BOD1L1: variants seen among roughly 807,000 people sequenced by gnomAD.
BOD1L1 encodes biorientation of chromosomes in cell division protein 1-like 1.
Under a neutral mutation model 240.7 loss-of-function variants are expected in BOD1L1, and 86 were observed. That is an observed-to-expected ratio of 0.36 (90% CI 0.30 to 0.43). BOD1L1 has a LOEUF of 0.43. Ranked by LOEUF, BOD1L1 falls within the 20% of genes least tolerant of loss-of-function variation. The probability of loss-of-function intolerance (pLI) is 1.00; values close to 1 mark genes in which losing one functional copy is unlikely to be tolerated. For synonymous variants in BOD1L1, 1,268 were observed against 1,272.3 expected, an observed-to-expected ratio of 1.00 and a Z score of 0.07; for missense variants, 3,554 against 3,643.5, an observed-to-expected ratio of 0.98 and a Z score of 0.63.
rs530503918 is a variant in BOD1L1 at position 13,604,407 on chromosome 4, C to T, written c.2493G>A (p.Leu831=). The change falls in exon 10 of 26, where the codon TTG becomes TTA. Residue 831 remains leucine (L), a synonymous_variant. Coordinates refer to ENST00000040738, the MANE Select transcript of BOD1L1 (RefSeq NM_148894.3). ...RKENNKKERR[L]SAEKTKAEHK... ...GCTCTGCCTTAGTTTTTTCAGCTGA[C>T]AAGCGTCTCTCTTTTTTGTTGTTTT... The T allele has an allele frequency of 1.3e-6, 2 of 1,575,758 alleles. No individual in the cohort carries two copies. The highest frequency in any genetic ancestry group is 1.2e-5 in the South Asian group (1 of 82,836).
Position 13,605,050 on chromosome 4 carries a change from T to A in BOD1L1, c.1850A>T (p.Glu617Val). 6.4e-7 allele frequency: 1 copy of A among 1,564,640 alleles called. No homozygotes were observed. The highest frequency in any genetic ancestry group is 1.7e-4 in the Middle Eastern group (1 of 5,826). The change falls in exon 10 of 26, where the codon GAG (glutamate) becomes GTG (valine). Residue 617 changes from glutamate to valine, a missense_variant. Physicochemically the swap from Glu to Val is moderately radical, Grantham distance 121. Coordinates refer to ENST00000040738, the MANE Select transcript of BOD1L1 (RefSeq NM_148894.3). ...ACTTTTTGCATGAACATGCTTCAGCTCCTTTGAAGAAGAAATTTTTTCCTT... is the reference window on the plus strand; with the variant it reads ...ACTTTTTGCATGAACATGCTTCAGCACCTTTGAAGAAGAAATTTTTTCCTT... ...CEKEKISSSKELKHVHAKSEP... is the reference protein window; with the variant it reads ...CEKEKISSSKVLKHVHAKSEP...
rs921201712 is a variant in BOD1L1, at chr4:13,602,615, T to C, written c.4285A>G (p.Thr1429Ala). The C allele has an allele frequency of 1.9e-6, 3 of 1,613,946 alleles. No homozygotes were observed. The highest frequency in any genetic ancestry group is 2.7e-5 in the African/African-American group (2 of 74,954). ...CCATCCTTCTTGCCATTCTCTACTG[T>C]TGCTTTAATTGTCTGCTTTAAATTG... ...EPNLKQTIKATVENGKKDGIA... is the reference protein window; with the variant it reads ...EPNLKQTIKAAVENGKKDGIA... The change falls in exon 10 of 26, where the codon ACA (threonine) becomes GCA (alanine). Residue 1429 changes from threonine (T) to alanine (A), a missense_variant. Physicochemically the swap from Thr to Ala is moderately conservative, Grantham distance 58. This residue lies in a region of BOD1L1 where 3,393 missense variants were observed against 3,427.1 expected (regional missense o/e 0.99). Coordinates refer to ENST00000040738, the MANE Select transcript of BOD1L1 (RefSeq NM_148894.3).
chr4:13,614,658 G>A lies in BOD1L1; in HGVS notation c.712C>T (p.Pro238Ser), dbSNP rs769094568. The A allele has an allele frequency of 5.0e-6, 8 of 1,613,738 alleles. No individual in the cohort carries two copies. In the East Asian group the frequency reaches 1.8e-4, roughly 36 times the overall value. Residue 238 changes from proline to serine, a missense_variant, in exon 4 of 26, where the codon CCA becomes TCA. By Grantham distance (74) the Pro-to-Ser change is moderately conservative (BLOSUM62 -1). This residue lies in a region of BOD1L1 where 3,393 missense variants were observed against 3,427.1 expected (regional missense o/e 0.99). Coordinates refer to ENST00000040738, the MANE Select transcript of BOD1L1 (RefSeq NM_148894.3). ...KTSERASKKL[P>S]SQPTTDTSTD... is the part of the protein sequence containing the mutation. The stretch of plus-strand genomic sequence containing the variant: ...CTAGTATCAGTGGTTGGCTGAGATG[G>A]AAGTTTTTTTGACGCTCTCTCACTG...
Position 13,615,516 on chromosome 4 carries a change from T to C in BOD1L1, c.369-14A>G, listed in dbSNP as rs1716517783. ...AACATTCCTGATCTGAAACACAAGA[T>C]AATTTATGGAAAGGTGAAAAAATAA... On this transcript the variant is annotated splice_polypyrimidine_tract_variant and intron_variant, in intron 2 of 25. Transcript: ENST00000040738. 1.3e-6 allele frequency: 2 copies of C among 1,574,658 alleles called. No individual in the cohort carries two copies. The highest frequency in any genetic ancestry group is 1.7e-6 in the Non-Finnish European group (2 of 1,158,780).
rs759579189 is a variant in BOD1L1, at chr4:13,603,371, T to C, written c.3529A>G (p.Thr1177Ala). Residue 1177 changes from threonine to alanine, a missense_variant, in exon 10 of 26, where the codon ACA becomes GCA. Thr to Ala is a moderately conservative substitution (Grantham distance 58). This residue lies in a region of BOD1L1 where 3,393 missense variants were observed against 3,427.1 expected (regional missense o/e 0.99). Transcript: ENST00000040738. ...LRTCTADSKA[T>A]APAYKPGRGT... ...CGGCCTGGCTTATAAGCTGGAGCTGTTGCTTTTGAATCTGCTGTGCAAGTT... is the reference window on the plus strand; with the variant it reads ...CGGCCTGGCTTATAAGCTGGAGCTGCTGCTTTTGAATCTGCTGTGCAAGTT... The C allele has an allele frequency of 4.3e-6, 7 of 1,614,030 alleles. No individual in the cohort carries two copies. The highest frequency in any genetic ancestry group is 1.7e-5 in the Admixed American group (1 of 60,030).
At chr4:13,618,076 A>G (rs1716752446) in intron 2 of BOD1L1, among the ~76,000 whole-genome samples, 1 of 152,222 alleles carries the variant, frequency 6.6e-6, no homozygotes, top group African/African-American at 2.4e-5. Context: ...TTGTGATCAC[A>G]ATATCTTACT....
intron 22 of BOD1L1, among the ~76,000 whole-genome samples, chr4:13,579,378 G>A (rs1261288932): frequency 2.6e-5 from 4 of 152,064 alleles, no homozygotes; most frequent in African/African-American, 7.2e-5. Context: ...AATGAAGTAC[G>A]ATCACACATA....
intron 10 of BOD1L1, among the ~76,000 whole-genome samples, chr4:13,598,363 C>T (rs1263305696): frequency 1.3e-5 from 2 of 152,174 alleles, no homozygotes; most frequent in African/African-American, 4.8e-5. Context: ...CAAACAAATA[C>T]TGCAAACCTA....
In BOD1L1 at chr4:13,602,275, G is replaced by A. The variant is rs772790822; in HGVS notation, c.4625C>T (p.Ser1542Phe). ...PVKAGPATTT[S>F]SETRQSEVAL... Reference sequence around the variant, plus strand: ...CACCTCACTTTGTCTTGTTTCTGAAGAAGTGGTTGTGGCAGGCCCAGCCTT... The same window carrying A: ...CACCTCACTTTGTCTTGTTTCTGAAAAAGTGGTTGTGGCAGGCCCAGCCTT... Residue 1542 changes from serine to phenylalanine, a missense_variant, in exon 10 of 26, where the codon TCT becomes TTT. Ser to Phe is a radical substitution (Grantham distance 155). Coordinates refer to ENST00000040738, the MANE Select transcript of BOD1L1 (RefSeq NM_148894.3). 1.2e-6 allele frequency: 2 copies of A among 1,614,002 alleles called. No individual in the cohort carries two copies. The highest frequency in any genetic ancestry group is 2.2e-5 in the South Asian group (2 of 91,078).
In BOD1L1 at chr4:13,599,845, A is replaced by T. The variant is rs143101535; in HGVS notation, c.7055T>A (p.Leu2352Gln). Residue 2352 changes from leucine to glutamine, a missense_variant, in exon 10 of 26, where the codon CTG becomes CAG. Leu to Gln is a moderately radical substitution (Grantham distance 113). Coordinates refer to ENST00000040738, the MANE Select transcript of BOD1L1 (RefSeq NM_148894.3). ...ASIDRHEENQ[L>Q]TADNPEGNGD... ...GTTCCCTTCTGGGTTGTCTGCAGTC[A>T]GCTGATTCTCTTCATGTCTGTCAAT... is the stretch of plus-strand genomic sequence containing the variant. 2.5e-6 allele frequency: 4 copies of T among 1,613,876 alleles called. No homozygotes were observed. Among genetic ancestry groups the T allele is most frequent in the Admixed American group, 3.3e-5 (2 of 59,994 alleles).
chr4:13,588,759 G>C lies in BOD1L1; in HGVS notation c.8243C>G (p.Ala2748Gly), dbSNP rs1461146679. The change falls in exon 15 of 26, where the codon GCC becomes GGC. Residue 2748 changes from alanine to glycine, a missense_variant. By Grantham distance (60) the Ala-to-Gly change is moderately conservative (BLOSUM62 0). Around this residue, in one of 2 missense-constraint regions of BOD1L1, gnomAD observed 3,393 missense variants for 3,427.1 expected, o/e 0.99. Transcript: ENST00000040738. ...TGCTTCAACACTGTGACCGCTTATGGCTTCTGCGTTGTCTTTTCTACCACT... is the reference window on the plus strand; with the variant it reads ...TGCTTCAACACTGTGACCGCTTATGCCTTCTGCGTTGTCTTTTCTACCACT... ...ISSGRKDNAE[A>G]ISGHSVEADP... 4 of 1,604,026 alleles carry C rather than the reference G, an allele frequency of 2.5e-6. No individual in the cohort carries two copies. The African/African-American group carries it at 5.4e-5, about 22-fold the overall frequency.
chr4:13,592,086 C>T (rs915973714), intron 12 of BOD1L1, 120 bp from the exon 13 acceptor site: 2 of 644,108 alleles, frequency 3.1e-6, no homozygotes, highest in Non-Finnish European at 5.3e-6. Context: ...GGCTTAGCTG[C>T]TTTCATAAAT....
At chr4:13,619,864 T>C (rs1031710144) in intron 2 of BOD1L1, 79 bp downstream of exon 2, 24 of 1,483,210 alleles carry the variant, frequency 1.6e-5, no homozygotes, top group Non-Finnish European at 1.8e-5. Flanking sequence ...TGAACAAATA[T>C]GTATGTAATG....
At chr4:13,595,752 T>A (rs1264777438) in intron 12 of BOD1L1, 108 bp downstream of exon 12, 5 of 751,748 alleles carry the variant, frequency 6.7e-6, no homozygotes, top group Admixed American at 5.2e-5. Flanking sequence ...AGAGGCAAGT[T>A]AATAGAGCCT....
intron 12 of BOD1L1, 141 bp from the exon 13 acceptor site, chr4:13,592,107 T>C: frequency 1.7e-6 from 1 of 593,944 alleles, no homozygotes; most frequent in Non-Finnish European, 3.0e-6. Flanking sequence ...TATAAAAATC[T>C]GACCAGTTAT....
chr4:13,604,333 C>A lies in BOD1L1; in HGVS notation c.2567G>T (p.Gly856Val). 1 of 1,582,660 alleles carries A rather than the reference C, an allele frequency of 6.3e-7. No homozygotes were observed. Among genetic ancestry groups the A allele is most frequent in the Non-Finnish European group, 8.5e-7 (1 of 1,170,530 alleles). Reference sequence around the variant, plus strand: ...TAATGTGATACCATGTTGCTTGGAACCCAGAGAATCTTTCTGAATTTTAGA... The same window carrying A: ...TAATGTGATACCATGTTGCTTGGAAACCAGAGAATCTTTCTGAATTTTAGA... The part of the protein sequence containing the change: ...SDSKIQKDSL[G>V]SKQHGITLQR... The change falls in exon 10 of 26, where the codon GGT (glycine) becomes GTT (valine). Residue 856 changes from glycine (G) to valine (V), a missense_variant. Coordinates refer to ENST00000040738, the MANE Select transcript of BOD1L1 (RefSeq NM_148894.3).
At chr4:13,577,328 CTCAT>C in intron 24 of BOD1L1, 71 bp downstream of exon 24, 5 of 1,284,282 alleles carry the variant, frequency 3.9e-6, no homozygotes, top group Middle Eastern at 2.4e-4. Context: ...TGGATTTTTC[CTCAT>C]TCAAAGAAAA....
rs1329329282 is a variant in BOD1L1, at chr4:13,587,621, A to G, written c.8353+78T>C. ...GAGTTACTATCCTCAAAAATTCTCTATGTTTTTGGCTCACTCTTTTGGATA... is the reference window on the plus strand; with the variant it reads ...GAGTTACTATCCTCAAAAATTCTCTGTGTTTTTGGCTCACTCTTTTGGATA... On this transcript the variant is annotated intron_variant, in intron 16 of 25. Coordinates refer to ENST00000040738, the MANE Select transcript of BOD1L1 (RefSeq NM_148894.3). 6.5e-6 allele frequency: 7 copies of G among 1,083,118 alleles called. No homozygotes were observed. In the East Asian group the frequency reaches 1.3e-4, roughly 20 times the overall value. The allele number at this position is 1,083,118 out of a possible 1,614,324, so 67.1% of individuals were successfully genotyped here. A position where few individuals can be genotyped will look rare whatever the true frequency, so the allele number is the denominator to read the frequency against.
rs753314769 is a variant in BOD1L1 at position 13,600,112 on chromosome 4, T to A, written c.6788A>T (p.Asp2263Val). 6.2e-7 allele frequency: 1 copy of A among 1,613,908 alleles called. No homozygotes were observed. The highest frequency in any genetic ancestry group is 1.7e-5 in the Admixed American group (1 of 60,022). Residue 2263 changes from aspartate (D) to valine (V), a missense_variant, in exon 10 of 26, where the codon GAC becomes GTC. Coordinates refer to ENST00000040738, the MANE Select transcript of BOD1L1 (RefSeq NM_148894.3). ...AGCACTGGACACTGGGCCCTCACAG[T>A]CTTCCACCGAGCTCGTAGAGATGAT... ...SGIISTSSVEDCEGPVSSAVP... is the reference protein window; with the variant it reads ...SGIISTSSVEVCEGPVSSAVP...
Sources: gnomAD v4.1 joint callset for allele counts (sites outside exome capture counted in the v4.1 genomes callset) on GRCh38, gnomAD v4.1.1 for gene constraint, gnomAD v4.1.1 regional missense constraint, MANE v1.5 for transcripts, NCBI Gene and HGNC (gene_info 2026-07-23, HGNC 2026-07-21) for gene names.